RBFOX1: variants seen among roughly 807,000 people sequenced by gnomAD.
RBFOX1 encodes the protein RNA binding protein fox-1 homolog 1.
Under a neutral mutation model 57.7 loss-of-function variants are expected in RBFOX1, and 8 were observed. That is an observed-to-expected ratio of 0.14 (90% confidence interval 0.08 to 0.25). RBFOX1 has a LOEUF of 0.25. Ranked by LOEUF, RBFOX1 falls within the 10% of genes least tolerant of loss-of-function variation. RBFOX1 has a pLI of 1.00. For missense variants in RBFOX1, 611 were observed against 548.5 expected, an observed-to-expected ratio of 1.11 and a Z score of -1.14; for synonymous variants, 326 against 222.4, an observed-to-expected ratio of 1.47 and a Z score of -4.15.
chr16:7,595,845 C>A (rs951994331), intron 8 of RBFOX1, among the ~76,000 whole-genome samples: 35 of 149,658 alleles, frequency 2.3e-4, no homozygotes, highest in African/African-American at 7.8e-4. Context: ...TACTCTTATA[C>A]CGCTGAAAGG....
At chr16:6,969,457 G>T (rs148617448) in intron 3 of RBFOX1, among the ~76,000 whole-genome samples, 1 of 152,110 alleles carries the variant, frequency 6.6e-6, no homozygotes, top group Non-Finnish European at 1.5e-5. Context: ...TAAGGTGGCC[G>T]GGTGTGGTGG....
Position 5,582,374 on chromosome 16 carries a change from A to G in RBFOX1, c.259-16528A>G, listed in dbSNP as rs368685530. 4.6e-5 allele frequency among the ~76,000 whole-genome samples: 7 copies of G among 152,154 alleles called. No homozygotes were observed. In the East Asian group the frequency reaches 7.7e-4, roughly 17 times the overall value. ...CATTGGACTGGAGCCGGTGGAAAAC[A>G]TGGACCACACTGGCCGTCGTGATTG... is the stretch of plus-strand genomic sequence containing the variant. On this transcript the variant is annotated intron_variant, in intron 2 of 2. Transcript: ENST00000585867.
chr16:6,484,503 A>G lies in RBFOX1; in HGVS notation c.-64+167446A>G, dbSNP rs1026225136. 6.6e-5 allele frequency among the ~76,000 whole-genome samples: 10 copies of G among 152,202 alleles called. No homozygotes were observed. The East Asian group carries it at 1.9e-3, about 29-fold the overall frequency. Reference sequence around the variant, plus strand: ...GCCTTCTTCTGAGATCAAATGGGAGAAATGTGCCTTGCCTTCTCAAGTGAT... The same window carrying G: ...GCCTTCTTCTGAGATCAAATGGGAGGAATGTGCCTTGCCTTCTCAAGTGAT... On this transcript the variant is annotated intron_variant, in intron 2 of 15. Coordinates refer to ENST00000550418, the MANE Select transcript of RBFOX1 (RefSeq NM_018723.4).
chr16:5,689,337 TA>T (rs2050598293), intron 3 of RBFOX1, among the ~76,000 whole-genome samples: 1 of 152,202 alleles, frequency 6.6e-6, no homozygotes, highest in African/African-American at 2.4e-5. Flanking sequence ...CAGAGTTAGA[TA>T]ACATATATGC....
At chr16:7,620,666 T>C (rs192777990) in intron 10 of RBFOX1, among the ~76,000 whole-genome samples, 2 of 152,324 alleles carry the variant, frequency 1.3e-5, no homozygotes, top group African/African-American at 4.8e-5. Context: ...GATGTGGCTT[T>C]GTTGTAATGG....
At chr16:7,391,529 C>G (rs2098022155) in intron 4 of RBFOX1, among the ~76,000 whole-genome samples, 1 of 152,192 alleles carries the variant, frequency 6.6e-6, no homozygotes, top group African/African-American at 2.4e-5. Flanking sequence ...TTGTCCCGTT[C>G]ACAAAATTAA....
chr16:6,356,970 C>T (rs1463164101), intron 2 of RBFOX1, among the ~76,000 whole-genome samples: 1 of 152,150 alleles, frequency 6.6e-6, no homozygotes, highest in African/African-American at 2.4e-5. Context: ...ACTCCTCCAG[C>T]AGCCCGGTAA....
chr16:6,679,768 C>A (rs977239363), intron 3 of RBFOX1, among the ~76,000 whole-genome samples: 4 of 151,932 alleles, frequency 2.6e-5, no homozygotes, highest in Non-Finnish European at 1.5e-5. Flanking sequence ...CATGTAACTT[C>A]CCTTCCTTTC....
intron 2 of RBFOX1, among the ~76,000 whole-genome samples, chr16:6,352,054 A>G (rs140623965): frequency 1.6e-4 from 25 of 152,268 alleles, no homozygotes; most frequent in African/African-American, 6.0e-4. Context: ...GCAGGGAGAG[A>G]CATTAGAATG....
intron 1 of RBFOX1, among the ~76,000 whole-genome samples, chr16:6,126,958 A>AT (rs1255845805): frequency 6.6e-6 from 1 of 152,176 alleles, no homozygotes; most frequent in East Asian, 1.9e-4. Context: ...TGGTTGTGAG[A>AT]TAAAAAACAA....
chr16:7,341,465 G>C (rs1269351898), intron 4 of RBFOX1, among the ~76,000 whole-genome samples: 1 of 152,158 alleles, frequency 6.6e-6, no homozygotes, highest in Non-Finnish European at 1.5e-5. Context: ...CTCAGAGGTT[G>C]CGTAGGGGGG....
intron 2 of RBFOX1, among the ~76,000 whole-genome samples, chr16:6,498,431 G>T (rs1242522054): frequency 6.6e-6 from 1 of 152,120 alleles, no homozygotes; most frequent in African/African-American, 2.4e-5. Context: ...AGAGAAGACA[G>T]ACCAGTTAGC....
intron 11 of RBFOX1, among the ~76,000 whole-genome samples, chr16:7,631,825 T>C (rs1011301425): frequency 3.3e-5 from 5 of 152,186 alleles, no homozygotes; most frequent in Admixed American, 2.0e-4. Context: ...CACCTCCCTG[T>C]TACCAGCAGT....
intron 2 of RBFOX1, among the ~76,000 whole-genome samples, chr16:5,559,220 T>C (rs1034769486): frequency 6.6e-6 from 1 of 150,430 alleles, no homozygotes; most frequent in African/African-American, 2.4e-5. Context: ...GGAAGAGTAC[T>C]TTGCCACCCA....
intron 4 of RBFOX1, among the ~76,000 whole-genome samples, chr16:7,401,979 G>A (rs1179163523): frequency 6.6e-6 from 1 of 152,144 alleles, no homozygotes; most frequent in Non-Finnish European, 1.5e-5. Flanking sequence ...CAAGCATGCA[G>A]CAGGTAGATG....
chr16:6,044,269 A>C (rs890002128), intron 1 of RBFOX1, among the ~76,000 whole-genome samples: 28 of 152,164 alleles, frequency 1.8e-4, no homozygotes, highest in African/African-American at 6.8e-4. Flanking sequence ...CCGAATCCTA[A>C]GGTGCTGTGT....
chr16:6,611,299 A>G (rs989713243), intron 2 of RBFOX1, among the ~76,000 whole-genome samples: 7 of 152,130 alleles, frequency 4.6e-5, no homozygotes, highest in African/African-American at 1.7e-4. Context: ...GGCGCACACC[A>G]CCACGCCTGG....
intron 4 of RBFOX1, among the ~76,000 whole-genome samples, chr16:7,084,204 TATAAC>T (rs761394703): frequency 1.3e-5 from 2 of 152,134 alleles, no homozygotes; most frequent in Non-Finnish European, 2.9e-5. Flanking sequence ...TGCAATTAAA[TATAAC>T]AGAACACTGT....
At chr16:5,817,043 C>G (rs955099372) in intron 3 of RBFOX1, among the ~76,000 whole-genome samples, 20 of 152,196 alleles carry the variant, frequency 1.3e-4, no homozygotes, top group African/African-American at 4.3e-4. Context: ...CCACCCACCT[C>G]CAGTAAATCC....
Sources: allele counts gnomAD v4.1 joint callset (sites outside exome capture counted in the v4.1 genomes callset), GRCh38; gene constraint gnomAD v4.1.1; transcripts MANE v1.5; gene names NCBI Gene and HGNC (gene_info 2026-07-23, HGNC 2026-07-21).